STRN: variants seen among roughly 807,000 people sequenced by gnomAD.
STRN encodes the protein striatin, also known as protein phosphatase 2 regulatory subunit B'''alpha.
Under a neutral mutation model 96.3 loss-of-function variants are expected in STRN, and 53 were observed. The ratio of observed to expected loss-of-function variants is 0.55; its 90% CI spans 0.44 to 0.69. The LOEUF (loss-of-function observed/expected upper bound fraction) is 0.69. Among genes scored for constraint, STRN ranks in the 30% least tolerant of loss-of-function variants. The pLI, the probability that STRN is intolerant of heterozygous loss-of-function variation, is 0.00. For synonymous variants in STRN, 428 were observed against 355.9 expected (o/e 1.20, Z -2.28); for missense variants, 987 against 963.9 (o/e 1.02, Z -0.32).
At chr2:36,916,259 A>G in intron 2 of STRN, 108 bp from the exon 3 acceptor site, 1 of 918,114 alleles carries the variant, frequency 1.1e-6, no homozygotes, top group Non-Finnish European at 1.7e-6. Flanking sequence ...CACTCCTAGA[A>G]CTTTCAAAGG....
chr2:36,909,157 CAA>C (rs78134786), intron 3 of STRN, among the ~76,000 whole-genome samples: 2,192 of 74,000 alleles, frequency 0.03, 25 homozygotes, highest in South Asian at 0.053. Context: ...GACTTCATCT[CAA>C]AAAAAAAAAA....
At chr2:36,944,106 G>A (rs1443500048) in intron 1 of STRN, among the ~76,000 whole-genome samples, 13 of 152,084 alleles carry the variant, frequency 8.5e-5, no homozygotes, top group South Asian at 4.1e-4. Flanking sequence ...GGCAACAAGA[G>A]TGAAACGCTA....
intron 6 of STRN, among the ~76,000 whole-genome samples, chr2:36,898,226 A>G (rs1669594227): frequency 6.6e-6 from 1 of 152,254 alleles, no homozygotes; most frequent in Non-Finnish European, 1.5e-5. Context: ...TGGAAAAATA[A>G]TATCTCAATG....
At chr2:36,898,189 T>C (rs1242787280) in intron 6 of STRN, among the ~76,000 whole-genome samples, 1 of 152,232 alleles carries the variant, frequency 6.6e-6, no homozygotes, top group Non-Finnish European at 1.5e-5. Flanking sequence ...CATTATTTAA[T>C]ACTGAGCTAT....
intron 12 of STRN, among the ~76,000 whole-genome samples, chr2:36,866,588 A>C (rs769056580): frequency 2.6e-5 from 4 of 152,140 alleles, no homozygotes; most frequent in Non-Finnish European, 1.5e-5. Context: ...GGTCCCGAAT[A>C]TTTTAGTTTT....
intron 1 of STRN, among the ~76,000 whole-genome samples, chr2:36,966,026 G>A (rs1431269906): frequency 6.6e-6 from 1 of 151,962 alleles, no homozygotes; most frequent in African/African-American, 2.4e-5. Context: ...CAACGCACCA[G>A]GAGCGGGAGT....
At chr2:36,886,968 TAA>T (rs540364843) in intron 7 of STRN, 142 bp from the exon 8 acceptor site, 131 of 556,192 alleles carry the variant, frequency 2.4e-4, no homozygotes, top group South Asian at 5.2e-4. Context: ...TTTATATATA[TAA>T]GTCACACAAA....
At chr2:36,890,959 T>A (rs944389485) in intron 7 of STRN, among the ~76,000 whole-genome samples, 1 of 152,210 alleles carries the variant, frequency 6.6e-6, no homozygotes, top group Non-Finnish European at 1.5e-5. Flanking sequence ...TACAGGTGAC[T>A]ATCCCTTACC....
intron 7 of STRN, among the ~76,000 whole-genome samples, chr2:36,890,914 A>G (rs1490823780): frequency 1.3e-5 from 2 of 152,202 alleles, no homozygotes. Context: ...TCTTCCTCTC[A>G]TAGGAAGCTC....
chr2:36,892,371 G>A (rs1669423317), intron 7 of STRN, among the ~76,000 whole-genome samples: 1 of 151,934 alleles, frequency 6.6e-6, no homozygotes, highest in South Asian at 2.1e-4. Flanking sequence ...GCATCATCAC[G>A]CAATATACCC....
chr2:36,894,833 G>A (rs1669497156), intron 6 of STRN, among the ~76,000 whole-genome samples: 2 of 152,276 alleles, frequency 1.3e-5, no homozygotes, highest in South Asian at 4.1e-4. Flanking sequence ...CCCCAAAGAT[G>A]ACAAACACGT....
chr2:36,860,205 CAG>C (rs1668440786), intron 13 of STRN, among the ~76,000 whole-genome samples: 2 of 152,164 alleles, frequency 1.3e-5, no homozygotes, highest in South Asian at 4.1e-4. Context: ...CGCAAAGAGA[CAG>C]AGAGAGATTC....
chr2:36,956,678 T>C (rs1166038219), intron 1 of STRN, among the ~76,000 whole-genome samples: 1 of 152,250 alleles, frequency 6.6e-6, no homozygotes, highest in Non-Finnish European at 1.5e-5. Flanking sequence ...TTTTAAACTC[T>C]GCTTCAGTTA....
chr2:36,917,989 A>G (rs1670154951), intron 2 of STRN, among the ~76,000 whole-genome samples: 1 of 152,194 alleles, frequency 6.6e-6, no homozygotes, highest in African/African-American at 2.4e-5. Context: ...TACGTAAGAT[A>G]TCAGTTGATA....
At chr2:36,943,037 T>C (rs1343916384) in intron 1 of STRN, among the ~76,000 whole-genome samples, 5 of 152,124 alleles carry the variant, frequency 3.3e-5, no homozygotes, top group African/African-American at 4.8e-5. Context: ...TGCTTTAATG[T>C]ATGCTTCTTT....
At chr2:36,900,675 G>A (rs899136817) in intron 5 of STRN, among the ~76,000 whole-genome samples, 3 of 152,088 alleles carry the variant, frequency 2.0e-5, no homozygotes, top group African/African-American at 7.2e-5. Flanking sequence ...CGGATCACGA[G>A]GTCAAGAGAT....
intron 1 of STRN, among the ~76,000 whole-genome samples, chr2:36,942,695 T>C (rs1181702240): frequency 6.6e-6 from 1 of 151,966 alleles, no homozygotes; most frequent in Admixed American, 6.6e-5. Flanking sequence ...GGTGTTAGCA[T>C]CAATTTTTCT....
At chr2:36,878,142 T>A (rs535124145) in intron 9 of STRN, 115 bp from the exon 10 acceptor site, 8 of 1,166,482 alleles carry the variant, frequency 6.9e-6, no homozygotes, top group Non-Finnish European at 9.5e-6. Context: ...TGTTTTTAAA[T>A]GCTTTTAAAC....
At position 36,858,041 on chromosome 2, in the gene STRN, A is replaced by C; in HGVS notation, c.1670-18T>G. 6.5e-7 allele frequency: 1 copy of C among 1,538,894 alleles called. No homozygotes were observed. Among genetic ancestry groups the C allele is most frequent in the Non-Finnish European group, 8.8e-7 (1 of 1,137,452 alleles). On this transcript the variant is annotated intron_variant, in intron 13 of 17. Transcript: ENST00000263918. ...AGAAGGATCTATACAAAACAGTAAA[A>C]ATGCAAAATCAGGAGAAAAACAACC...
Sources: allele counts gnomAD v4.1 joint callset (sites outside exome capture counted in the v4.1 genomes callset), GRCh38; gene constraint gnomAD v4.1.1; transcripts MANE v1.5; gene names NCBI Gene and HGNC (gene_info 2026-07-23, HGNC 2026-07-21).